RALA: variants seen among roughly 807,000 people sequenced by gnomAD.
RALA encodes the protein ras-related protein Ral-A.
A neutral mutation model predicts 24.0 loss-of-function variants in RALA; 5 were observed. That is an observed-to-expected ratio of 0.21 (90% confidence interval 0.11 to 0.44). The LOEUF (loss-of-function observed/expected upper bound fraction) is 0.44, where lower values mean the gene tolerates loss of function less well. Ranked by LOEUF, RALA falls within the 20% of genes least tolerant of loss-of-function variation. The pLI is 0.99. For synonymous variants in RALA, 77 were observed against 83.8 expected, an observed-to-expected ratio of 0.92 and a Z score of 0.44; for missense variants, 95 against 241.2, an observed-to-expected ratio of 0.39 and a Z score of 4.01.
chr7:39,698,559 T>C (rs1460412769), intron 4 of RALA, among the ~76,000 whole-genome samples: 1 of 152,188 alleles, frequency 6.6e-6, no homozygotes. Context: ...AAAATATATG[T>C]TAAGATTGAG....
At chr7:39,654,825 A>G (rs567748367) in intron 1 of RALA, among the ~76,000 whole-genome samples, 5 of 152,194 alleles carry the variant, frequency 3.3e-5, no homozygotes, top group African/African-American at 7.2e-5. Context: ...ATCATGGCTC[A>G]CTGCAGACTC....
chr7:39,669,852 A>G (rs574239832), intron 1 of RALA, among the ~76,000 whole-genome samples: 19 of 150,246 alleles, frequency 1.3e-4, no homozygotes, highest in Admixed American at 3.3e-4. Context: ...TTCTGTCACT[A>G]TTCTAATACA....
rs1446667992 is a variant in RALA at position 39,690,578 on chromosome 7, C to T, written c.311C>T (p.Thr104Ile). 2.5e-6 allele frequency: 4 copies of T among 1,609,690 alleles called. No homozygotes were observed. Among genetic ancestry groups the T allele is most frequent in the Non-Finnish European group, 3.4e-6 (4 of 1,177,038 alleles). ...SITEMESFAA[T>I]ADFREQILRV... ...ACAGAAATGGAATCCTTTGCAGCTACAGCTGACTTCAGGTATGTCCTAGAG... is the reference window on the plus strand; with the variant it reads ...ACAGAAATGGAATCCTTTGCAGCTATAGCTGACTTCAGGTATGTCCTAGAG... The change falls in exon 3 of 5, where the codon ACA becomes ATA. Residue 104 changes from threonine (T) to isoleucine (I), a missense_variant. Coordinates refer to ENST00000005257, the MANE Select transcript of RALA (RefSeq NM_005402.4).
intron 1 of RALA, among the ~76,000 whole-genome samples, chr7:39,643,472 G>A (rs1583711012): frequency 6.6e-6 from 1 of 152,198 alleles, no homozygotes; most frequent in East Asian, 1.9e-4. Context: ...TCTAACCCCA[G>A]CACTTTGAGA....
chr7:39,680,039 G>A (rs1243844514), intron 1 of RALA, among the ~76,000 whole-genome samples: 1 of 151,882 alleles, frequency 6.6e-6, no homozygotes, highest in African/African-American at 2.4e-5. Context: ...AACTTATGAC[G>A]GGTTTTATGT....
Position 39,690,501 on chromosome 7 carries a change from T to C in RALA, c.234T>C (p.Ile78=). The change falls in exon 3 of 5, where the codon ATT becomes ATC. Residue 78 remains isoleucine, a synonymous_variant. Coordinates refer to ENST00000005257, the MANE Select transcript of RALA (RefSeq NM_005402.4). Reference sequence around the variant, plus strand: ...CTGGGCAGGAGGACTACGCTGCAATTAGAGACAACTACTTCCGAAGTGGGG... The same window carrying C: ...CTGGGCAGGAGGACTACGCTGCAATCAGAGACAACTACTTCCGAAGTGGGG... ...DTAGQEDYAA[I]RDNYFRSGEG... is the part of the protein sequence containing the mutation. The C allele has an allele frequency of 5.0e-6, 8 of 1,613,994 alleles. No individual in the cohort carries two copies. The highest frequency in any genetic ancestry group is 6.8e-6 in the Non-Finnish European group (8 of 1,179,890).
chr7:39,654,388 A>G (rs1016684306), intron 1 of RALA, among the ~76,000 whole-genome samples: 2 of 152,160 alleles, frequency 1.3e-5, no homozygotes, highest in African/African-American at 4.8e-5. Context: ...TCCAGTTTTT[A>G]CAGTAATAAG....
intron 1 of RALA, among the ~76,000 whole-genome samples, chr7:39,647,217 A>G (rs544158990): frequency 6.6e-6 from 1 of 151,914 alleles, no homozygotes; most frequent in Non-Finnish European, 1.5e-5. Flanking sequence ...TGATTTTTGT[A>G]TTTTTTGTAG....
intron 1 of RALA, among the ~76,000 whole-genome samples, chr7:39,681,168 T>A (rs1407627414): frequency 1.3e-5 from 2 of 152,102 alleles, no homozygotes; most frequent in African/African-American, 4.8e-5. Context: ...CTAATAACAT[T>A]TAAAAAGCAG....
At chr7:39,645,265 T>C (rs1167954497) in intron 1 of RALA, among the ~76,000 whole-genome samples, 1 of 152,222 alleles carries the variant, frequency 6.6e-6, no homozygotes, top group Non-Finnish European at 1.5e-5. Flanking sequence ...TTACTTTTGT[T>C]ATATTAGTCA....
intron 4 of RALA, among the ~76,000 whole-genome samples, chr7:39,697,840 C>T (rs1464746949): frequency 6.6e-6 from 1 of 151,988 alleles, no homozygotes. Flanking sequence ...AGCTTCTTAA[C>T]TTTTTAAGAC....
chr7:39,691,038 C>T (rs937705936), intron 3 of RALA, among the ~76,000 whole-genome samples: 1 of 152,220 alleles, frequency 6.6e-6, no homozygotes, highest in Non-Finnish European at 1.5e-5. Flanking sequence ...CCTGATAGCA[C>T]AGACTGAATT....
intron 4 of RALA, among the ~76,000 whole-genome samples, chr7:39,701,999 A>G (rs896108896): frequency 2.0e-5 from 3 of 152,238 alleles, no homozygotes; most frequent in Non-Finnish European, 4.4e-5. Context: ...AATAGAGAGA[A>G]GTTGAGCAAA....
At chr7:39,680,435 G>C (rs1792572324) in intron 1 of RALA, among the ~76,000 whole-genome samples, 1 of 151,064 alleles carries the variant, frequency 6.6e-6, no homozygotes, top group Admixed American at 6.6e-5. Flanking sequence ...AACTAGCTGA[G>C]CATGGTGGTT....
At chr7:39,682,607 G>A (rs1422548778) in intron 1 of RALA, among the ~76,000 whole-genome samples, 1 of 152,170 alleles carries the variant, frequency 6.6e-6, no homozygotes, top group Non-Finnish European at 1.5e-5. Flanking sequence ...ACTAAGTGCT[G>A]TGGTTTAAAT....
chr7:39,702,164 A>G (rs1793040102), intron 4 of RALA, among the ~76,000 whole-genome samples: 1 of 152,228 alleles, frequency 6.6e-6, no homozygotes, highest in African/African-American at 2.4e-5. Context: ...ATACATGCTT[A>G]TATAAAGAAA....
At chr7:39,685,923 G>T (rs898990630) in intron 1 of RALA, among the ~76,000 whole-genome samples, 1 of 152,090 alleles carries the variant, frequency 6.6e-6, no homozygotes, top group African/African-American at 2.4e-5. Context: ...AAACATCTTG[G>T]TCGGGGGTGC....
intron 1 of RALA, among the ~76,000 whole-genome samples, chr7:39,643,443 A>G (rs1049278399): frequency 6.6e-6 from 1 of 152,228 alleles, no homozygotes; most frequent in Non-Finnish European, 1.5e-5. Context: ...AAAAACGGCC[A>G]GGCGCAGTGG....
chr7:39,639,501 A>G (rs1000139999), intron 1 of RALA, among the ~76,000 whole-genome samples: 10 of 152,196 alleles, frequency 6.6e-5, no homozygotes, highest in African/African-American at 2.2e-4. Context: ...GCTGTAGTGC[A>G]TTATGGTTAA....
Sources: allele counts gnomAD v4.1 joint callset (sites outside exome capture counted in the v4.1 genomes callset), GRCh38; gene constraint gnomAD v4.1.1; transcripts MANE v1.5; gene names NCBI Gene and HGNC (gene_info 2026-07-23, HGNC 2026-07-21).